Variants in PATJ observed in about 807,000 individuals in gnomAD.
PATJ encodes the protein PATJ crumbs cell polarity complex component.
Under a neutral mutation model 224.9 loss-of-function variants are expected in PATJ, and 190 were observed. The ratio of observed to expected loss-of-function variants is 0.84; its 90% CI spans 0.75 to 0.95. The LOEUF (loss-of-function observed/expected upper bound fraction) is 0.95. PATJ is among the 40% of genes least tolerant of loss of function. The pLI is 0.00. For synonymous variants in PATJ, 769 were observed against 820.3 expected, an observed-to-expected ratio of 0.94 and a Z score of 1.07; for missense variants, 2,121 against 2,270.3, an observed-to-expected ratio of 0.93 and a Z score of 1.34.
At chr1:61,805,315 C>A in intron 12 of PATJ, 133 bp from the exon 13 acceptor site, 2 of 611,730 alleles carry the variant, frequency 3.3e-6, no homozygotes, top group Non-Finnish European at 5.8e-6. Context: ...TAAGTTAATG[C>A]ATTTTCCTTT....
intron 43 of PATJ, among the ~76,000 whole-genome samples, chr1:62,160,004 G>A (rs1181789704): frequency 6.6e-6 from 1 of 152,044 alleles, no homozygotes; most frequent in Non-Finnish European, 1.5e-5. Context: ...GATTGAGTCG[G>A]TCGAGGGCCA....
chr1:62,129,168 TTAC>T (rs1393728397), intron 41 of PATJ, among the ~76,000 whole-genome samples: 1 of 152,152 alleles, frequency 6.6e-6, no homozygotes, highest in African/African-American at 2.4e-5. Context: ...GGGAGAAAAA[TTAC>T]TCTCTGCTTC....
intron 34 of PATJ, 99 bp from the exon 35 acceptor site, chr1:62,113,954 C>G (rs956145085): frequency 5.8e-6 from 7 of 1,214,590 alleles, no homozygotes; most frequent in Non-Finnish European, 8.1e-6. Context: ...CTGGAAATTT[C>G]TAGAGATTCT....
chr1:62,130,722 G>T (rs904676117), intron 41 of PATJ, among the ~76,000 whole-genome samples: 2 of 151,834 alleles, frequency 1.3e-5, no homozygotes, highest in Non-Finnish European at 1.5e-5. Context: ...ATGGTGGCGG[G>T]CGCCTATAGT....
At chr1:61,948,153 A>G (rs948689696) in intron 27 of PATJ, among the ~76,000 whole-genome samples, 1 of 152,136 alleles carries the variant, frequency 6.6e-6, no homozygotes, top group Non-Finnish European at 1.5e-5. Context: ...ATAGGCATGG[A>G]CAAGGACTTC....
chr1:61,843,891 G>A (rs1365537766), intron 17 of PATJ, among the ~76,000 whole-genome samples: 4 of 148,726 alleles, frequency 2.7e-5, no homozygotes, highest in South Asian at 4.6e-4. Context: ...TAAAAGATAC[G>A]AGCCAGTATG....
chr1:61,942,760 AG>A (rs897067754), intron 27 of PATJ, among the ~76,000 whole-genome samples: 10 of 152,096 alleles, frequency 6.6e-5, no homozygotes, highest in Non-Finnish European at 1.2e-4. Context: ...TGTGTTGGCC[AG>A]GCTGGTGGAA....
intron 33 of PATJ, among the ~76,000 whole-genome samples, chr1:62,088,262 C>T (rs183388960): frequency 9.3e-4 from 141 of 152,296 alleles, no homozygotes; most frequent in African/African-American, 3.1e-3. Context: ...GCCAGCCACC[C>T]AGCTAGCTCC....
intron 31 of PATJ, among the ~76,000 whole-genome samples, chr1:62,066,323 T>A (rs183401963): frequency 3.9e-4 from 60 of 152,260 alleles, no homozygotes; most frequent in Non-Finnish European, 5.9e-5. Flanking sequence ...TGAATCCAAC[T>A]TTAAATAAGT....
intron 17 of PATJ, among the ~76,000 whole-genome samples, chr1:61,834,146 A>G (rs982804409): frequency 6.6e-6 from 1 of 152,156 alleles, no homozygotes; most frequent in African/African-American, 2.4e-5. Flanking sequence ...CGTTTTTAGT[A>G]TATTCACAGA....
intron 29 of PATJ, among the ~76,000 whole-genome samples, chr1:62,020,019 A>AG (rs1646987827): frequency 6.6e-6 from 1 of 152,020 alleles, no homozygotes; most frequent in Non-Finnish European, 1.5e-5. Flanking sequence ...AGAAAAAAAA[A>AG]TTAGCCAGGC....
intron 27 of PATJ, among the ~76,000 whole-genome samples, chr1:61,978,681 A>G (rs1277708861): frequency 4.6e-5 from 7 of 152,032 alleles, no homozygotes; most frequent in Admixed American, 2.6e-4. Context: ...TTAGATTGAG[A>G]TGTTTATTAT....
At chr1:61,922,949 G>A (rs1341693170) in intron 26 of PATJ, among the ~76,000 whole-genome samples, 3 of 152,208 alleles carry the variant, frequency 2.0e-5, no homozygotes, top group Non-Finnish European at 2.9e-5. Flanking sequence ...CTGGGAACAA[G>A]ATAATGTAAT....
intron 27 of PATJ, among the ~76,000 whole-genome samples, chr1:61,988,761 C>G (rs996663256): frequency 6.6e-6 from 1 of 152,190 alleles, no homozygotes; most frequent in East Asian, 1.9e-4. Context: ...TTTACCTACT[C>G]ACTTATAAAG....
At chr1:61,759,330 G>A (rs1434839006) in intron 1 of PATJ, among the ~76,000 whole-genome samples, 2 of 151,920 alleles carry the variant, frequency 1.3e-5, no homozygotes, top group East Asian at 3.9e-4. Flanking sequence ...GGCTGAAGGA[G>A]TGAGCCACAG....
intron 16 of PATJ, among the ~76,000 whole-genome samples, chr1:61,832,444 TACTG>T (rs1336154127): frequency 1.3e-5 from 2 of 152,230 alleles, no homozygotes; most frequent in African/African-American, 2.4e-5. Context: ...GCTTCTCTTA[TACTG>T]GTGTTTCAAA....
chr1:61,959,735 A>G (rs1482023414), intron 27 of PATJ, among the ~76,000 whole-genome samples: 3 of 152,012 alleles, frequency 2.0e-5, no homozygotes, highest in Non-Finnish European at 4.4e-5. Context: ...CAGCCTCACC[A>G]CTGCTTTTTT....
intron 5 of PATJ, 121 bp from the exon 6 acceptor site, chr1:61,771,310 T>C (rs1298552620): frequency 1.9e-6 from 1 of 530,236 alleles, no homozygotes; most frequent in Non-Finnish European, 3.3e-6. Context: ...AATTAAATAA[T>C]TTATTTGATA....
chr1:61,964,755 T>TC (rs1012926123), intron 27 of PATJ, among the ~76,000 whole-genome samples: 3 of 151,700 alleles, frequency 2.0e-5, no homozygotes, highest in African/African-American at 7.3e-5. Context: ...GCCACTGCAG[T>TC]CTAGCCTGGG....
Sources: gnomAD v4.1 joint callset for allele counts (sites outside exome capture counted in the v4.1 genomes callset) on GRCh38, gnomAD v4.1.1 for gene constraint, MANE v1.5 for transcripts, NCBI Gene and HGNC (gene_info 2026-07-23, HGNC 2026-07-21) for gene names.